TRIOBP: variants seen among roughly 807,000 people sequenced by gnomAD.
TRIOBP encodes the protein TRIO and F-actin binding protein.
In TRIOBP, 169 loss-of-function variants were observed where a neutral mutation model predicts 238.8. The ratio of observed to expected loss-of-function variants is 0.71; its 90% CI spans 0.62 to 0.80. The LOEUF is 0.80. Among genes scored for constraint, TRIOBP ranks in the 30% least tolerant of loss-of-function variants. TRIOBP has a pLI of 0.00. For missense variants in TRIOBP, 2,838 were observed against 3,122.6 expected, an observed-to-expected ratio of 0.91 and a Z score of 2.17; for synonymous variants, 1,150 against 1,274.4, an observed-to-expected ratio of 0.90 and a Z score of 2.08.
chr22:37,744,166 G>A (rs1038087943), intron 11 of TRIOBP, among the ~76,000 whole-genome samples: 10 of 151,676 alleles, frequency 6.6e-5, no homozygotes, highest in Admixed American at 3.9e-4. Context: ...GTGCCACCAC[G>A]CCCGGCTAAT....
chr22:37,770,087 C>T (rs1037333067), intron 21 of TRIOBP, among the ~76,000 whole-genome samples: 1 of 149,468 alleles, frequency 6.7e-6, no homozygotes, highest in African/African-American at 2.5e-5. Flanking sequence ...TGTTGTTGCC[C>T]AGGCTACAGT....
intron 2 of TRIOBP, among the ~76,000 whole-genome samples, chr22:37,699,725 G>A (rs1922546721): frequency 6.6e-6 from 1 of 151,864 alleles, no homozygotes; most frequent in Non-Finnish European, 1.5e-5. Flanking sequence ...ATTTTTAGTA[G>A]AGACAGGGTT....
intron 6 of TRIOBP, among the ~76,000 whole-genome samples, chr22:37,721,642 T>G (rs1923836801): frequency 1.3e-5 from 2 of 152,136 alleles, no homozygotes; most frequent in Admixed American, 1.3e-4. Context: ...CAGGCCCTGC[T>G]AAGTTTTAAA....
At position 37,713,242 on chromosome 22, in the gene TRIOBP, A is replaced by G. The variant is rs370279315; in HGVS notation, c.287A>G (p.Glu96Gly). 1.9e-6 allele frequency: 3 copies of G among 1,613,658 alleles called. No individual in the cohort carries two copies. The highest frequency in any genetic ancestry group is 1.3e-5 in the African/African-American group (1 of 74,886). Residue 96 changes from glutamate (E) to glycine (G), a missense_variant, in exon 5 of 24, where the codon GAG becomes GGG. Transcript: ENST00000644935. ...GPSPSAGLPE[E>G]GPTAAPRSRS... Reference sequence around the variant, plus strand: ...TCCCCCTCAGCAGGGCTCCCAGAAGAGGGTCCCACAGCTGCCCCCAGGAGC... The same window carrying G: ...TCCCCCTCAGCAGGGCTCCCAGAAGGGGGTCCCACAGCTGCCCCCAGGAGC...
chr22:37,769,522 C>T, intron 21 of TRIOBP, 147 bp downstream of exon 21: 1 of 779,808 alleles, frequency 1.3e-6, no homozygotes. Context: ...AGAACACCTA[C>T]TGTGCATCCA....
chr22:37,734,475 A>G lies in TRIOBP; in HGVS notation c.4139A>G (p.Glu1380Gly), dbSNP rs202059880. ...QAEPPHPWSPEKRPEGDRQLQ... is the reference protein window; with the variant it reads ...QAEPPHPWSPGKRPEGDRQLQ... ...GAGCCCCCTCATCCTTGGAGTCCTGAGAAGAGACCTGAGGGAGATCGGCAG... is the reference window on the plus strand; with the variant it reads ...GAGCCCCCTCATCCTTGGAGTCCTGGGAAGAGACCTGAGGGAGATCGGCAG... Residue 1380 changes from glutamate to glycine, a missense_variant, in exon 9 of 24, where the codon GAG becomes GGG. Physicochemically the swap from Glu to Gly is moderately conservative, Grantham distance 98. Transcript: ENST00000644935. 318 of 1,612,726 alleles carry G rather than the reference A, an allele frequency of 2.0e-4. 1 individual carries two copies. The African/African-American group carries it at 3.9e-3, about 20-fold the overall frequency.
At position 37,757,648 on chromosome 22, in the gene TRIOBP, G is replaced by A. The variant is rs748882249; in HGVS notation, c.5723G>A (p.Ser1908Asn). The change falls in exon 16 of 24, where the codon AGC (serine) becomes AAC (asparagine). Residue 1908 changes from serine to asparagine, a missense_variant. By Grantham distance (46) the Ser-to-Asn change is conservative. Around this residue, in one of 5 missense-constraint regions of TRIOBP, gnomAD observed 2,096 missense variants for 2,137.4 expected, o/e 0.98. Coordinates refer to ENST00000644935, the MANE Select transcript of TRIOBP (RefSeq NM_001039141.3). Reference sequence around the variant, plus strand: ...TCTAACAAGGAGAACGCGCTGCACAGCTACAGCACCCAGAAGGGCCCCCTG... The same window carrying A: ...TCTAACAAGGAGAACGCGCTGCACAACTACAGCACCCAGAAGGGCCCCCTG... ...SDSNKENALHSYSTQKGPLKA... is the reference protein window; with the variant it reads ...SDSNKENALHNYSTQKGPLKA... 1 of 1,590,562 alleles carries A rather than the reference G, an allele frequency of 6.3e-7. No individual in the cohort carries two copies. Among genetic ancestry groups the A allele is most frequent in the Admixed American group, 1.8e-5 (1 of 56,604 alleles).
At chr22:37,752,755 C>T (rs1488038376) in intron 12 of TRIOBP, among the ~76,000 whole-genome samples, 1 of 152,230 alleles carries the variant, frequency 6.6e-6, no homozygotes, top group African/African-American at 2.4e-5. Context: ...CCAGGGTCCC[C>T]GGAGGGCAGA....
intron 6 of TRIOBP, among the ~76,000 whole-genome samples, chr22:37,722,023 A>C (rs1364921363): frequency 2.0e-5 from 3 of 152,076 alleles, no homozygotes; most frequent in Non-Finnish European, 4.4e-5. Flanking sequence ...AAGGTGTACA[A>C]ATCACCAGAC....
rs1185976077 is a variant in TRIOBP, at chr22:37,711,578, CA to C, written c.254+1026del. Among the ~76,000 whole-genome samples the C allele has an allele frequency of 3.1e-3, 56 of 18,002 alleles. 2 individuals carry two copies. Among genetic ancestry groups the C allele is most frequent in the South Asian group, 7.4e-3 (3 of 404 alleles). 11.8% of individuals were successfully genotyped at this position (18,002 alleles called of 152,430 possible). ...TGGGTGACACAGCGAGGCTCCGTCT[CA>C]AAAAAAAAAAAAACAACAAAAAAAA... On this transcript the variant is annotated intron_variant, in intron 4 of 23. Coordinates refer to ENST00000644935, the MANE Select transcript of TRIOBP (RefSeq NM_001039141.3).
intron 3 of TRIOBP, among the ~76,000 whole-genome samples, chr22:37,707,967 C>T (rs1326513954): frequency 2.7e-5 from 4 of 145,888 alleles, no homozygotes; most frequent in Non-Finnish European, 4.5e-5. Context: ...AAAAAAAAGG[C>T]CGGGCGTGGT....
rs764875383 is a variant in TRIOBP, at chr22:37,715,799, C to T, written c.493C>T (p.Pro165Ser). ...DTVERQEEEA[P>S]SWDELAVMIP... ...TGTTGAGAGGCAGGAGGAGGAGGCCCCCAGCTGGGACGAGCTCGCAGTGAT... is the reference window on the plus strand; with the variant it reads ...TGTTGAGAGGCAGGAGGAGGAGGCCTCCAGCTGGGACGAGCTCGCAGTGAT... The change falls in exon 6 of 24, where the codon CCC becomes TCC. Residue 165 changes from proline to serine, a missense_variant. By Grantham distance (74) the Pro-to-Ser change is moderately conservative. Coordinates refer to ENST00000644935, the MANE Select transcript of TRIOBP (RefSeq NM_001039141.3). 3.7e-6 allele frequency: 6 copies of T among 1,614,104 alleles called. No individual in the cohort carries two copies. Among genetic ancestry groups the T allele is most frequent in the Middle Eastern group, 3.3e-4 (2 of 6,060 alleles).
intron 2 of TRIOBP, among the ~76,000 whole-genome samples, 169 bp from the exon 3 acceptor site, chr22:37,701,137 T>G (rs886672785): frequency 2.0e-5 from 3 of 152,282 alleles, no homozygotes; most frequent in Middle Eastern, 3.4e-3. Flanking sequence ...TAGTGAGTGT[T>G]TGTTGAGTGA....
At chr22:37,697,893 C>T (rs1922429860) in intron 2 of TRIOBP, among the ~76,000 whole-genome samples, 197 bp downstream of exon 2, 1 of 151,986 alleles carries the variant, frequency 6.6e-6, no homozygotes, top group Non-Finnish European at 1.5e-5. Context: ...AAAGGAGAAC[C>T]CTTGCACAAG....
chr22:37,759,731 T>A, intron 17 of TRIOBP: 2 of 1,461,454 alleles, frequency 1.4e-6, no homozygotes, highest in East Asian at 5.1e-5. Context: ...CCTCAGAGAA[T>A]GCACCGTCCG....
At chr22:37,726,912 G>GT (rs113252773) in intron 7 of TRIOBP, among the ~76,000 whole-genome samples, 52,186 of 145,646 alleles carry the variant, frequency 0.36, 10,296 homozygotes, top group East Asian at 0.61. Flanking sequence ...TTTATTTTTT[G>GT]TTTTTTTTTT....
intron 3 of TRIOBP, among the ~76,000 whole-genome samples, chr22:37,703,526 A>G (rs1451916017): frequency 7.8e-6 from 1 of 128,162 alleles, no homozygotes; most frequent in African/African-American, 2.9e-5. Context: ...TTTTTTTGAG[A>G]CAGAGTCTCG....
chr22:37,769,428 T>C (rs1926661171), intron 21 of TRIOBP, 53 bp downstream of exon 21: 2 of 1,492,534 alleles, frequency 1.3e-6, no homozygotes, highest in South Asian at 1.2e-5. Context: ...GGCCCGGGGC[T>C]ATGGGGCACC....
At chr22:37,717,583 A>T (rs537721955) in intron 6 of TRIOBP, among the ~76,000 whole-genome samples, 2 of 152,210 alleles carry the variant, frequency 1.3e-5, no homozygotes, top group Non-Finnish European at 1.5e-5. Context: ...AGGTTCTCCA[A>T]GTCCCCAACA....
Sources: allele counts gnomAD v4.1 joint callset (sites outside exome capture counted in the v4.1 genomes callset), GRCh38; gene constraint gnomAD v4.1.1; regional missense constraint gnomAD v4.1.1; transcripts MANE v1.5; gene names NCBI Gene and HGNC (gene_info 2026-07-23, HGNC 2026-07-21).